The following ARL15 variants were observed in gnomAD, a reference collection of about 807,000 sequenced individuals.
ARL15 encodes the protein ADP-ribosylation factor-like protein 15.
Under a neutral mutation model 25.2 loss-of-function variants are expected in ARL15, and 19 were observed. The observed-to-expected ratio is 0.75, with a 90% CI of 0.53 to 1.10. ARL15 has a LOEUF of 1.10. ARL15 is among the 50% of genes least tolerant of loss of function. The pLI is 0.00. For synonymous variants in ARL15, 94 were observed against 86.8 expected (o/e 1.08, Z -0.46); for missense variants, 220 against 246.0 (o/e 0.89, Z 0.71).
At chr5:53,907,209 A>G (rs1328992419) in intron 4 of ARL15, among the ~76,000 whole-genome samples, 1 of 151,906 alleles carries the variant, frequency 6.6e-6, no homozygotes, top group African/African-American at 2.4e-5. Flanking sequence ...CCATGTTACT[A>G]TTCCTCCCAC....
At chr5:54,208,763 C>G (rs1046214190) in intron 1 of ARL15, among the ~76,000 whole-genome samples, 1 of 152,192 alleles carries the variant, frequency 6.6e-6, no homozygotes, top group African/African-American at 2.4e-5. Context: ...CAGCAAGCAT[C>G]TTACAGAAGA....
At chr5:53,906,039 GA>G (rs1745241040) in intron 4 of ARL15, among the ~76,000 whole-genome samples, 1 of 152,192 alleles carries the variant, frequency 6.6e-6, no homozygotes, top group African/African-American at 2.4e-5. Context: ...CAGTATTTCA[GA>G]AACAAATTCT....
intron 1 of ARL15, among the ~76,000 whole-genome samples, chr5:54,284,248 A>G (rs956603327): frequency 6.6e-6 from 1 of 152,070 alleles, no homozygotes; most frequent in Non-Finnish European, 1.5e-5. Flanking sequence ...GGATTACAGG[A>G]GCATGCCACC....
At chr5:53,887,761 A>T (rs1178775727) in intron 4 of ARL15, among the ~76,000 whole-genome samples, 1 of 152,222 alleles carries the variant, frequency 6.6e-6, no homozygotes, top group African/African-American at 2.4e-5. Flanking sequence ...CTCATGTGTC[A>T]TGAAAAATTA....
intron 4 of ARL15, among the ~76,000 whole-genome samples, chr5:53,984,894 A>G (rs1748238606): frequency 6.6e-6 from 1 of 152,146 alleles, no homozygotes; most frequent in Non-Finnish European, 1.5e-5. Flanking sequence ...TAGCTAGGCC[A>G]CTTCCTTTGA....
chr5:54,117,642 C>A (rs889864679), intron 3 of ARL15, among the ~76,000 whole-genome samples: 2 of 151,994 alleles, frequency 1.3e-5, no homozygotes, highest in Non-Finnish European at 2.9e-5. Context: ...TTGCTACATA[C>A]CAAAGTAGAC....
chr5:53,901,416 A>C lies in ARL15; in HGVS notation c.463-14703T>G, dbSNP rs188759452. ...GTCCTACCTATATGTCTGTAAGCTA[A>C]CAAAGTATGTACTAGACAGGAAAGG... On this transcript the variant is annotated intron_variant, in intron 4 of 4. Transcript: ENST00000504924. Among the ~76,000 whole-genome samples, 76 of 152,308 alleles carry C rather than the reference A, an allele frequency of 5.0e-4. 1 individual carries two copies. In the East Asian group the frequency reaches 7.5e-3, roughly 15 times the overall value.
chr5:54,019,083 A>G (rs1190887365), intron 4 of ARL15, among the ~76,000 whole-genome samples: 2 of 152,234 alleles, frequency 1.3e-5, no homozygotes, highest in East Asian at 3.9e-4. Context: ...AAAAATATGT[A>G]TGTTAATTTA....
chr5:54,125,129 C>G (rs187623374), intron 3 of ARL15, among the ~76,000 whole-genome samples: 2 of 149,916 alleles, frequency 1.3e-5, no homozygotes, highest in East Asian at 1.9e-4. Flanking sequence ...TTGCCAAGGC[C>G]GGAGTGCAAT....
intron 4 of ARL15, among the ~76,000 whole-genome samples, chr5:53,937,450 G>A (rs1054187517): frequency 2.0e-5 from 3 of 152,256 alleles, no homozygotes; most frequent in Admixed American, 1.3e-4. Flanking sequence ...CTATGTGGAC[G>A]TGCCAAATAA....
chr5:54,288,461 A>G (rs533737860), intron 1 of ARL15, among the ~76,000 whole-genome samples: 161 of 152,316 alleles, frequency 1.1e-3, no homozygotes, highest in Middle Eastern at 0.01. Flanking sequence ...TTCTGGACTT[A>G]CTTGCCTGAG....
intron 1 of ARL15, among the ~76,000 whole-genome samples, chr5:54,175,658 C>CT (rs1371769602): frequency 9.2e-4 from 131 of 142,174 alleles, no homozygotes; most frequent in African/African-American, 2.4e-3. Flanking sequence ...CTTTTTCTCT[C>CT]TTTTTTTTTT....
intron 4 of ARL15, among the ~76,000 whole-genome samples, chr5:53,907,688 G>A (rs547331608): frequency 1.7e-4 from 25 of 150,558 alleles, no homozygotes; most frequent in Middle Eastern, 3.5e-3. Flanking sequence ...AGTAGAGACG[G>A]GGTTTCACCT....
At chr5:53,946,455 G>GAAA (rs55727717) in intron 4 of ARL15, among the ~76,000 whole-genome samples, 63 of 43,876 alleles carry the variant, frequency 1.4e-3, no homozygotes, top group Admixed American at 2.1e-3. Context: ...GTCTCAAGAG[G>GAAA]AAAAAAAAAA....
At chr5:54,237,098 G>A (rs945933156) in intron 1 of ARL15, among the ~76,000 whole-genome samples, 6 of 152,208 alleles carry the variant, frequency 3.9e-5, no homozygotes, top group African/African-American at 1.2e-4. Flanking sequence ...ACGTGTTGTG[G>A]GAGGGACCTG....
At chr5:54,096,161 C>A (rs1287153024) in intron 4 of ARL15, among the ~76,000 whole-genome samples, 1 of 152,148 alleles carries the variant, frequency 6.6e-6, no homozygotes. Context: ...TACCACTGTT[C>A]ATGTTAGTTC....
Position 54,154,639 on chromosome 5 carries a change from C to A in ARL15, c.194G>T (p.Gly65Val). The A allele has an allele frequency of 6.6e-7, 1 of 1,507,766 alleles. No homozygotes were observed. The highest frequency in any genetic ancestry group is 8.9e-7 in the Non-Finnish European group (1 of 1,128,714). 93.4% of individuals were successfully genotyped at this position (1,507,766 alleles called of 1,614,324 possible). ...ESPDNVVSTT[G>V]FSIKAVPFQN... ...GAATGGCACTGCTTTAATACTAAAA[C>A]CTAAAATTAGAAAACAAAAACATAA... Residue 65 changes from glycine (G) to valine (V), a missense_variant and splice_region_variant, in exon 3 of 5, where the codon GGT becomes GTT. Gly to Val is a moderately radical substitution (Grantham distance 109). Transcript: ENST00000504924.
At chr5:54,226,440 T>C (rs184746331) in intron 1 of ARL15, among the ~76,000 whole-genome samples, 1 of 152,198 alleles carries the variant, frequency 6.6e-6, no homozygotes, top group African/African-American at 2.4e-5. Context: ...AATGCAGAAA[T>C]TCCTGGAATC....
intron 1 of ARL15, among the ~76,000 whole-genome samples, chr5:54,175,425 C>G (rs1754839718): frequency 6.6e-6 from 1 of 152,028 alleles, no homozygotes; most frequent in South Asian, 2.1e-4. Flanking sequence ...ACCTCCACCT[C>G]CCGGGTTCAA....
Sources: allele counts gnomAD v4.1 joint callset (sites outside exome capture counted in the v4.1 genomes callset), GRCh38; gene constraint gnomAD v4.1.1; transcripts MANE v1.5; gene names NCBI Gene and HGNC (gene_info 2026-07-23, HGNC 2026-07-21).